CFAP65: variants seen among roughly 807,000 people sequenced by gnomAD.
CFAP65 encodes cilia- and flagella-associated protein 65.
A neutral mutation model predicts 208.0 loss-of-function variants in CFAP65; 155 were observed. The ratio of observed to expected loss-of-function variants is 0.75; its 90% confidence interval spans 0.65 to 0.85. CFAP65 has a LOEUF of 0.85. CFAP65 is among the 40% of genes least tolerant of loss of function. The pLI, the probability that CFAP65 is intolerant of heterozygous loss-of-function variation, is 0.00. For synonymous variants in CFAP65, 970 were observed against 986.3 expected (o/e 0.98, Z 0.31); for missense variants, 2,294 against 2,451.3 (o/e 0.94, Z 1.36).
In CFAP65 at chr2:219,029,625, C is replaced by G. The variant is rs1187641930; in HGVS notation, c.1428G>C (p.Trp476Cys). 6.2e-7 allele frequency: 1 copy of G among 1,614,040 alleles called. No homozygotes were observed. Among genetic ancestry groups the G allele is most frequent in the Admixed American group, 1.7e-5 (1 of 60,008 alleles). Residue 476 changes from tryptophan to cysteine, a missense_variant, in exon 11 of 35, where the codon TGG becomes TGC. Physicochemically the swap from Trp to Cys is radical, Grantham distance 215. Transcript: ENST00000341552. Reference sequence around the variant, plus strand: ...GCTCGGAGCGCTCCCCAAGGTTGACCCAGCTGAAGTTGACACAGTAGTGCT... The same window carrying G: ...GCTCGGAGCGCTCCCCAAGGTTGACGCAGCTGAAGTTGACACAGTAGTGCT... ...SLQHYCVNFS[W>C]VNLGERSEQP...
chr2:219,004,521 T>C lies in CFAP65; in HGVS notation c.5052-66A>G. 6.6e-7 allele frequency: 1 copy of C among 1,522,798 alleles called. No homozygotes were observed. 94.3% of individuals were successfully genotyped at this position (1,522,798 alleles called of 1,614,324 possible). A position where few individuals can be genotyped will look rare whatever the true frequency, so the allele number is the denominator to read the frequency against. ...CCTGAAGCCCCTGGGGAGCCCTGGC[T>C]TCAGAGCTAGGTTCTAGGTGGGAAA... is the stretch of plus-strand genomic sequence containing the variant. On this transcript the variant is annotated intron_variant, in intron 32 of 34. Transcript: ENST00000341552. The surrounding 1 kb of genome is among the most constrained non-coding windows in gnomAD (Gnocchi z 4.7).
Position 219,010,846 on chromosome 2 carries a change from C to T in CFAP65, c.4108G>A (p.Val1370Ile). 1 of 1,612,556 alleles carries T rather than the reference C, an allele frequency of 6.2e-7. No homozygotes were observed. The highest frequency in any genetic ancestry group is 8.5e-7 in the Non-Finnish European group (1 of 1,179,012). ...TCGATAGGTGAGAAGATCCACAAGA[C>T]CCGGGCAGTGCTGCCTGGCTGGATC... ...GEIQPGSTARVLWIFSPIEAK... is the reference protein window; with the variant it reads ...GEIQPGSTARILWIFSPIEAK... Residue 1370 changes from valine (V) to isoleucine (I), a missense_variant, in exon 25 of 35, where the codon GTC becomes ATC. Coordinates refer to ENST00000341552, the MANE Select transcript of CFAP65 (RefSeq NM_194302.4).
At position 219,013,950 on chromosome 2, in the gene CFAP65, G is replaced by C. The variant is rs200780146; in HGVS notation, c.3697C>G (p.Gln1233Glu). Residue 1233 changes from glutamine (Q) to glutamate (E), a missense_variant, in exon 22 of 35, where the codon CAG becomes GAG. Gln to Glu is a conservative substitution (Grantham distance 29). Coordinates refer to ENST00000341552, the MANE Select transcript of CFAP65 (RefSeq NM_194302.4). ...NSTELHQMRVQDNCLFSISPK... is the reference protein window; with the variant it reads ...NSTELHQMRVEDNCLFSISPK... Reference sequence around the variant, plus strand: ...CTGATGGAGAAGAGGCAATTGTCCTGCACGCGCATCTGGTGGAGCTCAGTG... The same window carrying C: ...CTGATGGAGAAGAGGCAATTGTCCTCCACGCGCATCTGGTGGAGCTCAGTG... The C allele has an allele frequency of 9.9e-6, 16 of 1,613,744 alleles. No individual in the cohort carries two copies. The East Asian group carries it at 3.1e-4, about 31-fold the overall frequency.
At chr2:219,028,122 G>A in intron 12 of CFAP65, 79 bp downstream of exon 12, 2 of 1,570,052 alleles carry the variant, frequency 1.3e-6, no homozygotes, top group South Asian at 2.4e-5. Context: ...ACTACTAATG[G>A]TGCCCATGGG....
In CFAP65 at chr2:219,004,901, TTC is replaced by T. The variant is rs942818294; in HGVS notation, c.5052-448_5052-447del. Among the ~76,000 whole-genome samples, 73 of 150,326 alleles carry T rather than the reference TTC, an allele frequency of 4.9e-4. No individual in the cohort carries two copies. The highest frequency in any genetic ancestry group is 1.8e-3 in the African/African-American group (71 of 40,050). ...TTTTTTCTTTTCTCTCTCTCTCTAT[TTC>T]TCTCTTTCTTTCTCTCTCTTTCTCT... On this transcript the variant is annotated intron_variant, in intron 32 of 34. Coordinates refer to ENST00000341552, the MANE Select transcript of CFAP65 (RefSeq NM_194302.4). The surrounding 1 kb of genome is among the most constrained non-coding windows in gnomAD (Gnocchi z 4.7).
intron 13 of CFAP65, among the ~76,000 whole-genome samples, 171 bp from the exon 14 acceptor site, chr2:219,026,330 C>T (rs1947630087): frequency 6.6e-6 from 1 of 152,156 alleles, no homozygotes; most frequent in African/African-American, 2.4e-5. Flanking sequence ...CCAGCCCCTC[C>T]TGCGGGGAGC....
intron 11 of CFAP65, 26 bp from the exon 12 acceptor site, chr2:219,028,427 G>A (rs776674867): frequency 1.1e-5 from 18 of 1,606,090 alleles, no homozygotes; most frequent in East Asian, 2.2e-5. Flanking sequence ...GTGTGTGGTG[G>A]GGCATGGGAG....
Position 219,019,071 on chromosome 2 carries a change from G to C in CFAP65, c.3582C>G (p.Ser1194Arg), listed in dbSNP as rs202088592. ...PSVVFLALKN[S>R]GVVSLDWAFL... ...CATACCAGTCCAGGGACACCACTCC[G>C]CTGTTCTTCAGGGCCAGGAATACCA... Residue 1194 changes from serine to arginine, a missense_variant, in exon 21 of 35, where the codon AGC becomes AGG. Ser to Arg is a moderately radical substitution (Grantham distance 110). This residue lies in a region of CFAP65 where 1,427 missense variants were observed against 1,438.7 expected (regional missense o/e 0.99). Transcript: ENST00000341552. 2 of 1,614,234 alleles carry C rather than the reference G, an allele frequency of 1.2e-6. No homozygotes were observed. Among genetic ancestry groups the C allele is most frequent in the Non-Finnish European group, 1.7e-6 (2 of 1,180,044 alleles).
intron 31 of CFAP65, 147 bp downstream of exon 31, chr2:219,005,874 C>T: frequency 1.1e-6 from 1 of 870,344 alleles, no homozygotes; most frequent in Non-Finnish European, 1.8e-6. Flanking sequence ...AATGGGGCAT[C>T]CTGGGCCCAG....
In CFAP65 at chr2:219,009,172, G is replaced by C. The variant is rs374370626; in HGVS notation, c.4567-18C>G. 5.2e-5 allele frequency: 83 copies of C among 1,606,434 alleles called. No individual in the cohort carries two copies. Among genetic ancestry groups the C allele is most frequent in the East Asian group, 4.2e-4 (19 of 44,850 alleles). On this transcript the variant is annotated intron_variant, in intron 28 of 34. Transcript: ENST00000341552. The stretch of plus-strand genomic sequence containing the variant: ...GAGTACAGCTATGGCCCAGGACAGA[G>C]AGAGAGAAGGCCAAGGTCTGGAGCT...
rs1559137843 is a variant in CFAP65 at position 219,021,273 on chromosome 2, CT to C, written c.3137del (p.Gln1046ArgfsTer19). 1 of 1,590,470 alleles carries C rather than the reference CT, an allele frequency of 6.3e-7. No individual in the cohort carries two copies. Among genetic ancestry groups the C allele is most frequent in the Admixed American group, 1.7e-5 (1 of 57,598 alleles). On this transcript the variant is annotated frameshift_variant, in exon 19 of 35. Coordinates refer to ENST00000341552, the MANE Select transcript of CFAP65 (RefSeq NM_194302.4). LOFTEE classifies it high-confidence loss of function. ...GCATGCTCCCCTCTGTTCGGTCCAG[CT>C]GCAGAGCTGCTCAGGGATGATGCCG... ...EAVDNHPLAL[Q>X]LDRTEGSMPP...
Position 219,041,478 on chromosome 2 carries a change from C to T in CFAP65, c.-49+10G>A. ...ACCCTGGGACCTTGGGACTAACGCT[C>T]AGAACTTACATCGCCTCCATATTGC... is the stretch of plus-strand genomic sequence containing the variant. On this transcript the variant is annotated intron_variant, in intron 1 of 34. Transcript: ENST00000341552. The T allele has an allele frequency of 6.4e-7, 1 of 1,550,540 alleles. No homozygotes were observed. The highest frequency in any genetic ancestry group is 1.2e-5 in the South Asian group (1 of 84,056).
At chr2:219,034,350 T>C (rs964584595) in intron 5 of CFAP65, 7 of 152,178 alleles carry the variant, frequency 4.6e-5, no homozygotes, top group Non-Finnish European at 8.8e-5. Context: ...TACTACCAGC[T>C]ATCAAGACTT....
In CFAP65 at chr2:219,003,030, CAA is replaced by C. The variant is rs752434488; in HGVS notation, c.5694-11_5694-10del. The C allele has an allele frequency of 4.5e-5, 70 of 1,554,302 alleles. 1 individual carries two copies. The South Asian group carries it at 8.2e-4, about 18-fold the overall frequency. ...TGTCCGGGGTCAGACTCCTGGAAGA[CAA>C]AAAGTCCCAGGTAGGCGTGGGGGCG... On this transcript the variant is annotated splice_polypyrimidine_tract_variant and intron_variant, in intron 34 of 34. Coordinates refer to ENST00000341552, the MANE Select transcript of CFAP65 (RefSeq NM_194302.4). This position sits in a 1 kb window ranked among gnomAD's most constrained non-coding sequence, Gnocchi z 4.4.
At chr2:219,034,523 T>G (rs981430121) in intron 5 of CFAP65, 1 of 152,162 alleles carries the variant, frequency 6.6e-6, no homozygotes, top group Non-Finnish European at 1.5e-5. Flanking sequence ...ATAAAAAGAC[T>G]GATAAAGTTG....
In CFAP65 at chr2:219,030,488, G is replaced by A. The variant is rs535960335; in HGVS notation, c.1161+201C>T. On this transcript the variant is annotated intron_variant, in intron 9 of 34. Transcript: ENST00000341552. ...GGTCAGGACAGTCTTAGGGCTGCTC[G>A]TGGCTCTGGGGAGCCAGGGTATACC... is the stretch of plus-strand genomic sequence containing the variant. Among the ~76,000 whole-genome samples, 7 of 152,376 alleles carry A rather than the reference G, an allele frequency of 4.6e-5. 1 individual carries two copies. The South Asian group carries it at 8.3e-4, about 18-fold the overall frequency.
chr2:219,029,969 C>T lies in CFAP65; in HGVS notation c.1384+17G>A. On this transcript the variant is annotated intron_variant, in intron 10 of 34. Transcript: ENST00000341552. ...GCTGCTCCTGTCCCCAGGGGAGGCC[C>T]CTGGGGTCACCGGTACCTCTACAGA... 6.2e-7 allele frequency: 1 copy of T among 1,611,904 alleles called. No individual in the cohort carries two copies. The highest frequency in any genetic ancestry group is 8.5e-7 in the Non-Finnish European group (1 of 1,178,622).
In CFAP65 at chr2:219,019,544, G is replaced by A. The variant is rs1947137205; in HGVS notation, c.3435C>T (p.Thr1145=). ...LLNSYLERDP[T]PCELTYKVPT... ...GCACCTTGTAGGTGAGCTCACAGGGGGTGGGGTCACGCTCCAAGTAACTGT... is the reference window on the plus strand; with the variant it reads ...GCACCTTGTAGGTGAGCTCACAGGGAGTGGGGTCACGCTCCAAGTAACTGT... Residue 1145 remains threonine, a synonymous_variant, in exon 20 of 35, where the codon ACC becomes ACT. Transcript: ENST00000341552. 1 of 1,613,098 alleles carries A rather than the reference G, an allele frequency of 6.2e-7. No individual in the cohort carries two copies. Among genetic ancestry groups the A allele is most frequent in the Admixed American group, 1.7e-5 (1 of 60,010 alleles).
Position 219,002,948 on chromosome 2 carries a change from C to A in CFAP65, c.5767G>T (p.Asp1923Tyr). 1 of 1,566,090 alleles carries A rather than the reference C, an allele frequency of 6.4e-7. No individual in the cohort carries two copies. The highest frequency in any genetic ancestry group is 8.7e-7 in the Non-Finnish European group (1 of 1,155,106). Residue 1923 changes from aspartate (D) to tyrosine (Y), a missense_variant, in exon 35 of 35, where the codon GAC becomes TAC. Physicochemically the swap from Asp to Tyr is radical, Grantham distance 160. Coordinates refer to ENST00000341552, the MANE Select transcript of CFAP65 (RefSeq NM_194302.4). This position sits in a 1 kb window ranked among gnomAD's most constrained non-coding sequence, Gnocchi z 7.9. ...CTGGGCGCGGGCATTTACGGAAGGT[C>A]GGTAGGAAGTGGCACCACCGGGTGG... ...VLHPVVPLPT[D>Y]LP
Sources: gnomAD v4.1 joint callset for allele counts (sites outside exome capture counted in the v4.1 genomes callset) on GRCh38, gnomAD v4.1.1 for gene constraint, gnomAD v4.1.1 regional missense constraint, Gnocchi (gnomAD v3.1) non-coding constraint, MANE v1.5 for transcripts, NCBI Gene and HGNC (gene_info 2026-07-23, HGNC 2026-07-21) for gene names.